The following PIGG variants were observed in gnomAD, a reference collection of about 807,000 sequenced individuals.
PIGG encodes phosphatidylinositol glycan anchor biosynthesis class G (EMM blood group), also known as GPI ethanolamine phosphate transferase 2, catalytic subunit.
A neutral mutation model predicts 83.2 loss-of-function variants in PIGG; 70 were observed. The observed-to-expected ratio is 0.84, with a 90% confidence interval of 0.69 to 1.03. The LOEUF is 1.03. PIGG is among the 50% of genes least tolerant of loss of function. PIGG has a pLI of 0.00. For synonymous variants in PIGG, 532 were observed against 519.5 expected, an observed-to-expected ratio of 1.02 and a Z score of -0.33; for missense variants, 1,257 against 1,233.6, an observed-to-expected ratio of 1.02 and a Z score of -0.28.
chr4:523,631 A>T lies in PIGG; in HGVS notation c.1787A>T (p.Asn596Ile). 1.2e-6 allele frequency: 2 copies of T among 1,614,082 alleles called. No homozygotes were observed. Among genetic ancestry groups the T allele is most frequent in the Non-Finnish European group, 1.7e-6 (2 of 1,180,018 alleles). ...CLALSQETYR[N>I]YFLGDDGEPP... Reference sequence around the variant, plus strand: ...GCTCTGAGCCAAGAAACCTACAGAAACTACTTTCTGGGAGATGACGGTGAG... The same window carrying T: ...GCTCTGAGCCAAGAAACCTACAGAATCTACTTTCTGGGAGATGACGGTGAG... The change falls in exon 9 of 13, where the codon AAC (asparagine) becomes ATC (isoleucine). Residue 596 changes from asparagine to isoleucine, a missense_variant. Asn to Ile is a moderately radical substitution (Grantham distance 149). Transcript: ENST00000453061.
chr4:511,842 T>C (rs1722064240), intron 5 of PIGG, among the ~76,000 whole-genome samples: 1 of 152,198 alleles, frequency 6.6e-6, no homozygotes, highest in Non-Finnish European at 1.5e-5. Context: ...TTTGTCTTCT[T>C]TTTGGAAGGA....
chr4:538,820 G>T (rs1042007544), intron 12 of PIGG, among the ~76,000 whole-genome samples: 2 of 152,174 alleles, frequency 1.3e-5, no homozygotes, highest in African/African-American at 4.8e-5. Flanking sequence ...GTGTGTGTGG[G>T]GGGGGACATG....
Position 516,037 on chromosome 4 carries a change from T to C in PIGG, c.966T>C (p.Leu322=), listed in dbSNP as rs771763496. Residue 322 remains leucine (L), a synonymous_variant, in exon 6 of 13, where the codon CTT becomes CTC. Transcript: ENST00000453061. ...TGGCTGCGACACTGGCGATAGCACTTGGCTTACCGATTCCAAAAGACAGTG... is the reference window on the plus strand; with the variant it reads ...TGGCTGCGACACTGGCGATAGCACTCGGCTTACCGATTCCAAAAGACAGTG... ...TDVAATLAIA[L]GLPIPKDSVG... is the part of the protein sequence containing the mutation. The C allele has an allele frequency of 1.2e-6, 2 of 1,614,130 alleles. No individual in the cohort carries two copies. The highest frequency in any genetic ancestry group is 2.7e-5 in the African/African-American group (2 of 74,946).
intron 9 of PIGG, 40 bp downstream of exon 9, chr4:523,953 C>T (rs928686107): frequency 1.2e-5 from 16 of 1,297,200 alleles, no homozygotes; most frequent in Admixed American, 2.9e-5. Flanking sequence ...AGACTTTCTA[C>T]GGCCGATTGG....
intron 2 of PIGG, among the ~76,000 whole-genome samples, chr4:503,555 G>C (rs1718519347): frequency 6.6e-6 from 1 of 152,150 alleles, no homozygotes. Flanking sequence ...ACTCTGGAAA[G>C]TCCCACCTCA....
intron 2 of PIGG, among the ~76,000 whole-genome samples, chr4:503,663 C>A (rs1481149156): frequency 6.6e-6 from 1 of 151,798 alleles, no homozygotes; most frequent in Admixed American, 6.6e-5. Context: ...TGGTTAAATA[C>A]GTTATTGTAC....
chr4:502,707 A>G (rs1321527806), intron 2 of PIGG, among the ~76,000 whole-genome samples: 2 of 152,140 alleles, frequency 1.3e-5, no homozygotes, highest in African/African-American at 4.8e-5. Context: ...TTCTGGGATG[A>G]GGGGATGCCA....
At chr4:504,625 AT>A (rs1718953247) in intron 2 of PIGG, among the ~76,000 whole-genome samples, 2 of 152,082 alleles carry the variant, frequency 1.3e-5, no homozygotes. Flanking sequence ...GCATTTATTT[AT>A]CGTTAAAGAT....
rs1577093539 is a variant in PIGG, at chr4:521,588, G to A, written c.1333-72G>A. On this transcript the variant is annotated intron_variant, in intron 7 of 12. Transcript: ENST00000453061. ...GTGTGGACAGCTGACACGAGAGCGG[G>A]AGCTGGGCTTATTTTTAAGTGGGTT... 4.2e-6 allele frequency: 6 copies of A among 1,424,174 alleles called. No individual in the cohort carries two copies. In the East Asian group the frequency reaches 1.1e-4, roughly 27 times the overall value. The allele number at this position is 1,424,174 out of a possible 1,614,324, so 88.2% of individuals were successfully genotyped here. A position where few individuals can be genotyped will look rare whatever the true frequency, so the allele number is the denominator to read the frequency against.
At chr4:504,438 A>G (rs1553877572) in intron 2 of PIGG, among the ~76,000 whole-genome samples, 1 of 152,184 alleles carries the variant, frequency 6.6e-6, no homozygotes, top group Non-Finnish European at 1.5e-5. Context: ...TCTTACTGAG[A>G]TTCCGTGTTT....
chr4:505,576 T>C (rs1553878355), intron 2 of PIGG, 142 bp from the exon 3 acceptor site: 4 of 603,150 alleles, frequency 6.6e-6, no homozygotes, highest in African/African-American at 3.8e-5. Flanking sequence ...AAAGCTGCAG[T>C]GATCCCTGAT....
chr4:504,293 G>A (rs993483382), intron 2 of PIGG, among the ~76,000 whole-genome samples: 1 of 152,164 alleles, frequency 6.6e-6, no homozygotes, highest in Non-Finnish European at 1.5e-5. Context: ...TTGGTCAGAG[G>A]TTGTGCTTCA....
At chr4:508,764 C>T in intron 4 of PIGG, 65 bp from the exon 5 acceptor site, 2 of 1,482,788 alleles carry the variant, frequency 1.3e-6, no homozygotes, top group Non-Finnish European at 1.9e-6. Context: ...CGAAAATTGT[C>T]TTCTTAAGAT....
Position 530,226 on chromosome 4 carries a change from G to A in PIGG, c.2262-210G>A, listed in dbSNP as rs79889694. The stretch of plus-strand genomic sequence containing the variant: ...CACGAGGACACACCTGTGGGCCTGT[G>A]GCGGCGGCTCCTCAGGGCTGCTGTG... On this transcript the variant is annotated intron_variant, in intron 10 of 12. Transcript: ENST00000453061. Among the ~76,000 whole-genome samples, 9,942 of 152,142 alleles carry A rather than the reference G, an allele frequency of 0.065. 401 individuals are homozygous for A. Among genetic ancestry groups the A allele is most frequent in the East Asian group, 0.18 (951 of 5,158 alleles).
Position 507,605 on chromosome 4 carries a change from C to G in PIGG, c.759+12C>G, listed in dbSNP as rs376076956. Reference sequence around the variant, plus strand: ...CACTGCAGTCGAAGGTGAGGCTCGCCGTCGCTCACTGTCTGCTGATGTGGT... The same window carrying G: ...CACTGCAGTCGAAGGTGAGGCTCGCGGTCGCTCACTGTCTGCTGATGTGGT... On this transcript the variant is annotated intron_variant, in intron 4 of 12. Transcript: ENST00000453061. 1 of 1,602,214 alleles carries G rather than the reference C, an allele frequency of 6.2e-7. No homozygotes were observed. Among genetic ancestry groups the G allele is most frequent in the African/African-American group, 1.3e-5 (1 of 74,588 alleles).
chr4:537,724 A>G (rs981349881), intron 12 of PIGG, among the ~76,000 whole-genome samples: 15 of 152,266 alleles, frequency 9.9e-5, no homozygotes, highest in Non-Finnish European at 1.6e-4. Flanking sequence ...ACTGGAGCAC[A>G]TGGCGGGCTG....
chr4:527,366 G>T, intron 10 of PIGG, 136 bp downstream of exon 10: 1 of 1,394,522 alleles, frequency 7.2e-7, no homozygotes, highest in South Asian at 1.7e-5. Flanking sequence ...TTGGAGTTTG[G>T]TGTTTGTGAA....
In PIGG at chr4:527,122, C is replaced by T. The variant is rs1272088063; in HGVS notation, c.2153C>T (p.Pro718Leu). The change falls in exon 10 of 13, where the codon CCT becomes CTT. Residue 718 changes from proline (P) to leucine (L), a missense_variant. Transcript: ENST00000453061. Reference protein sequence around the residue: ...VFVLVQRGCSPVSKAALALGL... With the variant: ...VFVLVQRGCSLVSKAALALGL... ...GTGCTGGTGCAGAGGGGGTGCTCCC[C>T]TGTGTCCAAGGCTGCCCTGGCGCTG... 1.9e-6 allele frequency: 3 copies of T among 1,614,060 alleles called. No homozygotes were observed. The highest frequency in any genetic ancestry group is 2.7e-5 in the African/African-American group (2 of 74,928).
At chr4:506,049 T>C in intron 3 of PIGG, 122 bp downstream of exon 3, 2 of 677,978 alleles carry the variant, frequency 2.9e-6, no homozygotes, top group Non-Finnish European at 5.0e-6. Flanking sequence ...TTATAGGGAG[T>C]ACTATGGACA....
Sources: gnomAD v4.1 joint callset for allele counts (sites outside exome capture counted in the v4.1 genomes callset) on GRCh38, gnomAD v4.1.1 for gene constraint, MANE v1.5 for transcripts, NCBI Gene and HGNC (gene_info 2026-07-23, HGNC 2026-07-21) for gene names.